TCF12: variants seen among roughly 807,000 people sequenced by gnomAD.
TCF12 encodes transcription factor 12.
TCF12 carries 45 observed loss-of-function variants against 86.0 expected under a neutral mutation model. The ratio of observed to expected loss-of-function variants is 0.52; its 90% CI spans 0.41 to 0.67. TCF12 has a LOEUF of 0.67. Among genes scored for constraint, TCF12 ranks in the 30% least tolerant of loss-of-function variants. The probability of loss-of-function intolerance (pLI) is 0.00; values close to 1 mark genes in which losing one functional copy is unlikely to be tolerated. For missense variants in TCF12, 881 were observed against 859.9 expected (o/e 1.02, Z -0.31); for synonymous variants, 330 against 299.6 (o/e 1.10, Z -1.05).
chr15:57,241,362 G>A (rs1379750089), intron 12 of TCF12, among the ~76,000 whole-genome samples: 1 of 152,100 alleles, frequency 6.6e-6, no homozygotes, highest in Non-Finnish European at 1.5e-5. Context: ...AAAGTGCTGG[G>A]ATTATAGGCG....
At chr15:56,930,456 C>A (rs2060197059) in intron 3 of TCF12, among the ~76,000 whole-genome samples, 1 of 152,210 alleles carries the variant, frequency 6.6e-6, no homozygotes, top group South Asian at 2.1e-4. Context: ...ATCTAGCCAA[C>A]TTTGTCATGT....
At chr15:57,255,291 A>G (rs1204844094) in intron 16 of TCF12, among the ~76,000 whole-genome samples, 3 of 152,194 alleles carry the variant, frequency 2.0e-5, no homozygotes, top group Non-Finnish European at 4.4e-5. Flanking sequence ...ACTTATCAAA[A>G]TGTAGTCCTC....
intron 3 of TCF12, among the ~76,000 whole-genome samples, chr15:56,970,984 G>A (rs2062283192): frequency 1.3e-5 from 2 of 152,144 alleles, no homozygotes; most frequent in South Asian, 4.1e-4. Flanking sequence ...GGCCTGAGAG[G>A]TTGAGGCTGT....
intron 16 of TCF12, among the ~76,000 whole-genome samples, chr15:57,254,204 C>T (rs2060242862): frequency 6.6e-6 from 1 of 152,122 alleles, no homozygotes; most frequent in Non-Finnish European, 1.5e-5. Context: ...GTGAAATGTT[C>T]TTCTACGAAG....
chr15:57,169,814 G>A (rs1307507524), intron 6 of TCF12, among the ~76,000 whole-genome samples: 3 of 152,022 alleles, frequency 2.0e-5, no homozygotes, highest in Non-Finnish European at 2.9e-5. Context: ...ATACCCTCTT[G>A]GCAAAGGTAT....
Position 57,232,863 on chromosome 15 carries a change from T to G in TCF12, c.970+7T>G, listed in dbSNP as rs747681078. 3.2e-6 allele frequency: 5 copies of G among 1,538,932 alleles called. No individual in the cohort carries two copies. In the African/African-American group the frequency reaches 4.2e-5, roughly 13 times the overall value. On this transcript the variant is annotated splice_region_variant and intron_variant, in intron 11 of 20. Coordinates refer to ENST00000333725, the MANE Select transcript of TCF12 (RefSeq NM_207037.2). ...GGATCAGACAGCATTCTAGGTGAGCTTTTTGAGTTGGCAAAACTTCCTAAA... is the reference window on the plus strand; with the variant it reads ...GGATCAGACAGCATTCTAGGTGAGCGTTTTGAGTTGGCAAAACTTCCTAAA...
At chr15:57,278,061 A>C (rs1251276784) in intron 19 of TCF12, among the ~76,000 whole-genome samples, 12 of 152,254 alleles carry the variant, frequency 7.9e-5, no homozygotes, top group African/African-American at 2.9e-4. Flanking sequence ...TCAAACTCCT[A>C]GCACAAACGA....
At chr15:57,280,915 T>G (rs772807012) in intron 19 of TCF12, among the ~76,000 whole-genome samples, 30 of 152,228 alleles carry the variant, frequency 2.0e-4, no homozygotes, top group South Asian at 4.1e-4. Context: ...GTGGAACAAC[T>G]GTTAACCTAT....
chr15:57,281,075 C>T (rs1203164595), intron 19 of TCF12, among the ~76,000 whole-genome samples: 1 of 150,854 alleles, frequency 6.6e-6, no homozygotes, highest in East Asian at 2.0e-4. Context: ...GATATTCTTT[C>T]CCTTTATTTC....
intron 4 of TCF12, chr15:57,072,763 T>G: frequency 8.2e-7 from 1 of 1,217,772 alleles, no homozygotes; most frequent in Non-Finnish European, 1.1e-6. Flanking sequence ...ATCTCTGTTT[T>G]GTTATGTAAC....
At chr15:57,051,984 A>G (rs548268701) in intron 3 of TCF12, among the ~76,000 whole-genome samples, 64 of 152,218 alleles carry the variant, frequency 4.2e-4, no homozygotes, top group African/African-American at 1.0e-3. Flanking sequence ...CCATTGGTCT[A>G]TGTGTCTGTT....
At chr15:56,957,154 G>A (rs943524554) in intron 3 of TCF12, among the ~76,000 whole-genome samples, 44 of 152,212 alleles carry the variant, frequency 2.9e-4, no homozygotes, top group African/African-American at 1.0e-3. Context: ...CTGGCTCCTT[G>A]ATCTTGGATA....
intron 5 of TCF12, among the ~76,000 whole-genome samples, chr15:57,164,168 G>C (rs1341372413): frequency 6.6e-6 from 1 of 152,164 alleles, no homozygotes; most frequent in Non-Finnish European, 1.5e-5. Flanking sequence ...AAATGAGTGA[G>C]TACCCTACTG....
intron 11 of TCF12, among the ~76,000 whole-genome samples, chr15:57,233,280 A>ATCC (rs2059241478): frequency 6.6e-6 from 1 of 151,772 alleles, no homozygotes; most frequent in South Asian, 2.1e-4. Context: ...TGAGGAGGTG[A>ATCC]TCCTCCTGCC....
Position 57,234,092 on chromosome 15 carries a change from AAAGGC to A in TCF12, c.1021_1025del (p.Lys341PhefsTer8). On this transcript the variant is annotated frameshift_variant, in exon 12 of 21. Transcript: ENST00000333725. LOFTEE classifies it high-confidence loss of function. Reference sequence around the variant, plus strand: ...GCTCACAGACAGGTGATGCACTTGGAAAGGCTTTGGCATCTGTGAGTATTGATTTT... The same window carrying A: ...GCTCACAGACAGGTGATGCACTTGGATTTGGCATCTGTGAGTATTGATTTT... 6.2e-7 allele frequency: 1 copy of A among 1,613,528 alleles called. No individual in the cohort carries two copies. Among genetic ancestry groups the A allele is most frequent in the Non-Finnish European group, 8.5e-7 (1 of 1,179,568 alleles).
At chr15:57,034,545 A>G (rs1307554860) in intron 3 of TCF12, among the ~76,000 whole-genome samples, 1 of 152,206 alleles carries the variant, frequency 6.6e-6, no homozygotes, top group African/African-American at 2.4e-5. Flanking sequence ...AATTATGACA[A>G]TGAATTTAAC....
intron 3 of TCF12, among the ~76,000 whole-genome samples, chr15:57,016,911 T>C (rs1292980463): frequency 1.3e-5 from 2 of 152,190 alleles, no homozygotes; most frequent in Non-Finnish European, 2.9e-5. Context: ...GATCTGGGCT[T>C]CCTAAACTCA....
intron 3 of TCF12, among the ~76,000 whole-genome samples, chr15:57,011,031 GACTTA>G (rs1263946096): frequency 6.6e-6 from 1 of 152,170 alleles, no homozygotes; most frequent in African/African-American, 2.4e-5. Flanking sequence ...CTTTCTACTG[GACTTA>G]ACTTGACACC....
Position 57,101,591 on chromosome 15 carries a change from G to GCGTGCGTGCACA in TCF12, c.325+9702_325+9713dup, listed in dbSNP as rs1218216141. Reference sequence around the variant, plus strand: ...CTTTCTGATACGTACGCATGTGCACGCGTGCGTGCACACACACACGTGCAT... The same window carrying GCGTGCGTGCACA: ...CTTTCTGATACGTACGCATGTGCACGCGTGCGTGCACACGTGCGTGCACACACACACGTGCAT... On this transcript the variant is annotated intron_variant, in intron 5 of 20. Coordinates refer to ENST00000333725, the MANE Select transcript of TCF12 (RefSeq NM_207037.2). 3.3e-5 allele frequency among the ~76,000 whole-genome samples: 5 copies of GCGTGCGTGCACA among 152,296 alleles called. No individual in the cohort carries two copies. In the East Asian group the frequency reaches 9.7e-4, roughly 29 times the overall value.
Sources: allele counts gnomAD v4.1 joint callset (sites outside exome capture counted in the v4.1 genomes callset), GRCh38; gene constraint gnomAD v4.1.1; transcripts MANE v1.5; gene names NCBI Gene and HGNC (gene_info 2026-07-23, HGNC 2026-07-21).